The following SURF4 variants were observed in gnomAD, a reference collection of about 807,000 sequenced individuals.
The protein encoded by SURF4 is surfeit locus protein 4.
A neutral mutation model predicts 30.0 loss-of-function variants in SURF4; 3 were observed. That is an observed-to-expected ratio of 0.10 (90% CI 0.05 to 0.26). The LOEUF (loss-of-function observed/expected upper bound fraction) is 0.26, where lower values mean the gene tolerates loss of function less well. Ranked by LOEUF, SURF4 falls within the 10% of genes least tolerant of loss-of-function variation. SURF4 has a pLI of 1.00. For synonymous variants in SURF4, 143 were observed against 139.9 expected (o/e 1.02, Z -0.16); for missense variants, 217 against 350.8 (o/e 0.62, Z 3.05).
At chr9:133,376,296 CG>C, upstream of SURF4, 1 of 1,337,904 alleles carries the variant, frequency 7.5e-7, no homozygotes, top group East Asian at 3.1e-5. Flanking sequence ...CCTCCCGGCC[CG>C]GCGGAACGCG....
intron 1 of SURF4, among the ~76,000 whole-genome samples, chr9:133,374,724 AGG>A (rs1837759478): frequency 6.6e-6 from 1 of 152,200 alleles, no homozygotes. Flanking sequence ...ACCGATGGTG[AGG>A]TCACACTAGA....
chr9:133,367,600 G>T, intron 1 of SURF4, 155 bp from the exon 2 acceptor site: 1 of 1,506,566 alleles, frequency 6.6e-7, no homozygotes, highest in Middle Eastern at 2.4e-4. Context: ...AGACTAGGGG[G>T]CTCTCAGTGC....
intron 1 of SURF4, 97 bp downstream of exon 1, chr9:133,375,825 G>T (rs1338684868): frequency 1.6e-5 from 19 of 1,164,300 alleles, no homozygotes; most frequent in Non-Finnish European, 2.0e-5. Context: ...TCAGGGGGCG[G>T]CCCGGGCCTG....
rs2130082127 is a variant in SURF4 at position 133,363,105 on chromosome 9, AG to A, written c.*387del. The A allele has an allele frequency of 1.7e-5, 7 of 401,518 alleles. No individual in the cohort carries two copies. Among genetic ancestry groups the A allele is most frequent in the Non-Finnish European group, 2.7e-5 (6 of 220,382 alleles). 24.9% of individuals were successfully genotyped at this position (401,518 alleles called of 1,614,324 possible). On this transcript the variant is annotated 3_prime_UTR_variant, in exon 6 of 6. Transcript: ENST00000371989. This position sits in a 1 kb window ranked among gnomAD's most constrained non-coding sequence, Gnocchi z 4.3. ...CTAAAAATGTAAACTTACAAATAAG[AG>A]GGAGACTGCTTTGAATGATAATACC...
intron 1 of SURF4, among the ~76,000 whole-genome samples, chr9:133,369,039 C>G (rs1837348378): frequency 6.6e-6 from 1 of 152,226 alleles, no homozygotes; most frequent in Non-Finnish European, 1.5e-5. Flanking sequence ...CTAGACACTG[C>G]TGAAGCTGCC....
chr9:133,377,825 A>G (rs1484541728), upstream of SURF4, among the ~76,000 whole-genome samples: 3 of 152,228 alleles, frequency 2.0e-5, no homozygotes, highest in Admixed American at 6.5e-5. Flanking sequence ...GTTGTAATAC[A>G]TAATGAAATA....
intron 1 of SURF4, chr9:133,367,690 T>C (rs1374023438): frequency 2.7e-6 from 3 of 1,129,432 alleles, no homozygotes; most frequent in East Asian, 2.7e-5. Flanking sequence ...GACTTGACGT[T>C]AGGCCCTCTG....
At chr9:133,369,695 C>T (rs1837386373) in intron 1 of SURF4, among the ~76,000 whole-genome samples, 2 of 152,202 alleles carry the variant, frequency 1.3e-5, no homozygotes, top group Admixed American at 6.5e-5. Context: ...TCTAAATGCC[C>T]AGCAACAGTG....
intron 2 of SURF4, 24 bp from the exon 3 acceptor site, chr9:133,366,699 G>A: frequency 1.2e-6 from 2 of 1,610,998 alleles, no homozygotes; most frequent in Non-Finnish European, 1.7e-6. Context: ...CAAGGGTTAG[G>A]GGGCCTGAGG....
intron 4 of SURF4, 73 bp downstream of exon 4, chr9:133,365,912 A>G: frequency 2.0e-6 from 3 of 1,479,360 alleles, no homozygotes; most frequent in Non-Finnish European, 2.8e-6. Context: ...ATTTTGGAGC[A>G]TTTCAGACTT....
At chr9:133,375,787 G>T in intron 1 of SURF4, 135 bp downstream of exon 1, 2 of 894,106 alleles carry the variant, frequency 2.2e-6, no homozygotes, top group East Asian at 3.7e-5. Context: ...GGGCCCGGGC[G>T]GGGGGGTCCC....
At chr9:133,365,938 C>A in intron 4 of SURF4, 47 bp downstream of exon 4, 1 of 1,592,220 alleles carries the variant, frequency 6.3e-7, no homozygotes, top group South Asian at 1.1e-5. Context: ...TTGCAATGCT[C>A]AACCTGTAGA....
chr9:133,368,942 C>T (rs1837342280), intron 1 of SURF4, among the ~76,000 whole-genome samples: 1 of 152,214 alleles, frequency 6.6e-6, no homozygotes, highest in African/African-American at 2.4e-5. Context: ...GCACAGGCCT[C>T]CTAGGGCTGA....
chr9:133,376,650 G>A (rs1837967126), upstream of SURF4: 2 of 1,209,718 alleles, frequency 1.7e-6, no homozygotes, highest in Non-Finnish European at 2.3e-6. Context: ...ACCGAGGGCG[G>A]CGAGGGGCCC....
chr9:133,366,187 G>A, intron 3 of SURF4, 159 bp from the exon 4 acceptor site: 1 of 679,122 alleles, frequency 1.5e-6, no homozygotes, highest in Non-Finnish European at 2.5e-6. Context: ...TCAAAAATGT[G>A]GTTCTGTATT....
At chr9:133,366,322 G>A (rs2130125469) in intron 3 of SURF4, among the ~76,000 whole-genome samples, 18 of 152,310 alleles carry the variant, frequency 1.2e-4, no homozygotes, top group Admixed American at 5.9e-4. Context: ...ATGAAGCAAC[G>A]TGATAACAAG....
chr9:133,364,670 G>A (rs1330489667), intron 5 of SURF4, among the ~76,000 whole-genome samples, 170 bp downstream of exon 5: 3 of 146,808 alleles, frequency 2.0e-5, no homozygotes, highest in East Asian at 4.0e-4. Context: ...CAGCCTGGGG[G>A]ACAGAGCGAG....
Position 133,361,831 on chromosome 9 carries a change from A to T in SURF4, c.*1662T>A, listed in dbSNP as rs1836824781. ...CCACAGAGAAACCGTGACTTGGCCAAGGTCATTTGATGGGGGCTGTCATAC... is the reference window on the plus strand; with the variant it reads ...CCACAGAGAAACCGTGACTTGGCCATGGTCATTTGATGGGGGCTGTCATAC... On this transcript the variant is annotated 3_prime_UTR_variant, in exon 6 of 6. Transcript: ENST00000371989. The T allele has an allele frequency of 6.6e-6, 1 of 152,248 alleles. No homozygotes were observed. The highest frequency in any genetic ancestry group is 2.4e-5 in the African/African-American group (1 of 41,418). 9.4% of individuals were successfully genotyped at this position (152,248 alleles called of 1,614,324 possible).
chr9:133,376,436 A>G (rs2130247543), upstream of SURF4: 1 of 1,538,334 alleles, frequency 6.5e-7, no homozygotes, highest in East Asian at 2.5e-5. Context: ...GGGTGGGGCC[A>G]GGGGTGGACG....
Sources: gnomAD v4.1 joint callset for allele counts (sites outside exome capture counted in the v4.1 genomes callset) on GRCh38, gnomAD v4.1.1 for gene constraint, Gnocchi (gnomAD v3.1) non-coding constraint, MANE v1.5 for transcripts, NCBI Gene and HGNC (gene_info 2026-07-23, HGNC 2026-07-21) for gene names.